The following SEC24A variants were observed in gnomAD, a reference collection of about 807,000 sequenced individuals.
SEC24A encodes the protein protein transport protein Sec24A.
SEC24A carries 93 observed loss-of-function variants against 129.4 expected under a neutral mutation model. The observed-to-expected ratio is 0.72, with a 90% CI of 0.61 to 0.85. The LOEUF is 0.85. SEC24A is among the 40% of genes least tolerant of loss of function. The pLI, the probability that SEC24A is intolerant of heterozygous loss-of-function variation, is 0.00. For synonymous variants in SEC24A, 460 were observed against 467.3 expected (o/e 0.98, Z 0.20); for missense variants, 1,264 against 1,307.4 (o/e 0.97, Z 0.51).
intron 7 of SEC24A, among the ~76,000 whole-genome samples, chr5:134,676,438 C>CTTTTTTTTTTT (rs34581398): frequency 4.8e-5 from 4 of 84,182 alleles, no homozygotes; most frequent in Non-Finnish European, 6.6e-5. Flanking sequence ...GCGCCCGGCT[C>CTTTTTTTTTTT]TTTTTTTTTT....
chr5:134,698,636 T>G lies in SEC24A; in HGVS notation c.2266+579T>G, dbSNP rs1751905736. 2.7e-5 allele frequency among the ~76,000 whole-genome samples: 4 copies of G among 148,216 alleles called. No homozygotes were observed. In the South Asian group the frequency reaches 8.6e-4, roughly 32 times the overall value. ...AAGAAGAAGATAGAGTCTTGTTTTT[T>G]TTTTTTTTTTTTTGAGATGGTATAT... is the stretch of plus-strand genomic sequence containing the variant. On this transcript the variant is annotated intron_variant, in intron 15 of 22. Coordinates refer to ENST00000398844, the MANE Select transcript of SEC24A (RefSeq NM_021982.3).
intron 18 of SEC24A, among the ~76,000 whole-genome samples, chr5:134,711,667 A>G (rs1021441898): frequency 3.5e-5 from 5 of 144,244 alleles, no homozygotes; most frequent in Non-Finnish European, 7.4e-5. Context: ...AGTAGCTGCG[A>G]TTACAGGTGT....
chr5:134,703,902 C>T lies in SEC24A; in HGVS notation c.2410C>T (p.Gln804Ter). The change falls in exon 16 of 23, where the codon CAG (glutamine) becomes TAG (stop). Residue 804 changes from glutamine (Q) to a stop codon, truncating the protein, a stop_gained. Transcript: ENST00000398844. LOFTEE classifies it high-confidence loss of function. The part of the protein sequence containing the change: ...SLTDTQLVSF[Q>*]SALLYTSSKG... The stretch of plus-strand genomic sequence containing the variant: ...TACTGACACTCAGTTGGTTTCTTTT[C>T]AGTCAGCACTCTTGTATACATCCAG... 1 of 1,608,272 alleles carries T rather than the reference C, an allele frequency of 6.2e-7. No homozygotes were observed. Among genetic ancestry groups the T allele is most frequent in the Non-Finnish European group, 8.5e-7 (1 of 1,175,340 alleles).
intron 21 of SEC24A, among the ~76,000 whole-genome samples, chr5:134,722,266 G>A (rs565741385): frequency 5.3e-5 from 8 of 152,074 alleles, no homozygotes; most frequent in South Asian, 4.2e-4. Context: ...CGAGGCTGGC[G>A]AATCACCTGA....
intron 18 of SEC24A, among the ~76,000 whole-genome samples, chr5:134,711,868 C>T (rs1471413445): frequency 1.3e-5 from 2 of 152,114 alleles, no homozygotes; most frequent in African/African-American, 2.4e-5. Flanking sequence ...CTGCCTCAGC[C>T]TCCCAAGTAG....
chr5:134,654,629 T>C (rs1750178238), intron 1 of SEC24A, among the ~76,000 whole-genome samples: 1 of 149,446 alleles, frequency 6.7e-6, no homozygotes, highest in African/African-American at 2.4e-5. Flanking sequence ...GTATTAACGC[T>C]AAAGGCAAAT....
chr5:134,672,592 G>A (rs1430745301), intron 4 of SEC24A, among the ~76,000 whole-genome samples: 1 of 152,222 alleles, frequency 6.6e-6, no homozygotes, highest in Non-Finnish European at 1.5e-5. Context: ...GCCTCCCAAA[G>A]TGCTGGGATA....
intron 11 of SEC24A, among the ~76,000 whole-genome samples, chr5:134,691,964 A>G (rs1485321114): frequency 6.6e-6 from 1 of 151,658 alleles, no homozygotes; most frequent in African/African-American, 2.4e-5. Flanking sequence ...AAAAAGGTCA[A>G]AGCAGAATTG....
At chr5:134,716,311 A>G (rs1281626008) in intron 19 of SEC24A, among the ~76,000 whole-genome samples, 1 of 151,678 alleles carries the variant, frequency 6.6e-6, no homozygotes, top group African/African-American at 2.4e-5. Context: ...AAATACGAAA[A>G]ACAAAAAAAT....
At chr5:134,697,612 C>T (rs1751867680) in intron 14 of SEC24A, among the ~76,000 whole-genome samples, 1 of 152,008 alleles carries the variant, frequency 6.6e-6, no homozygotes, top group Non-Finnish European at 1.5e-5. Context: ...AAAAACTAGC[C>T]AGACATGGTG....
chr5:134,713,755 G>A (rs1752396966), intron 18 of SEC24A, among the ~76,000 whole-genome samples: 1 of 150,818 alleles, frequency 6.6e-6, no homozygotes, highest in Non-Finnish European at 1.5e-5. Context: ...AACTGGCTGG[G>A]TGCGGTGGCT....
intron 12 of SEC24A, 70 bp downstream of exon 12, chr5:134,692,727 T>C (rs576629723): frequency 2.1e-6 from 2 of 970,614 alleles, no homozygotes; most frequent in East Asian, 2.4e-5. Flanking sequence ...AAATGAACTT[T>C]AAGTAAAATT....
chr5:134,656,405 TC>T (rs1160622873), intron 1 of SEC24A, among the ~76,000 whole-genome samples: 3 of 151,916 alleles, frequency 2.0e-5, no homozygotes, highest in Non-Finnish European at 4.4e-5. Flanking sequence ...ACTGGACATC[TC>T]CACTTAGATT....
chr5:134,694,725 A>C (rs1367927543), intron 13 of SEC24A, among the ~76,000 whole-genome samples: 2 of 151,430 alleles, frequency 1.3e-5, no homozygotes, highest in Non-Finnish European at 2.9e-5. Context: ...AGGCTGAGGC[A>C]GGAGAATTGC....
At chr5:134,669,906 AT>A (rs1750799211) in intron 3 of SEC24A, among the ~76,000 whole-genome samples, 1 of 151,714 alleles carries the variant, frequency 6.6e-6, no homozygotes, top group African/African-American at 2.4e-5. Context: ...CCTGGCTAAT[AT>A]TTTATTTTAT....
chr5:134,671,250 C>T (rs1015690604), intron 3 of SEC24A, among the ~76,000 whole-genome samples: 13 of 151,988 alleles, frequency 8.6e-5, no homozygotes, highest in Non-Finnish European at 1.8e-4. Context: ...TTAGTAGAGA[C>T]GGGGTTTCCC....
At chr5:134,654,284 A>T (rs1750166284) in intron 1 of SEC24A, among the ~76,000 whole-genome samples, 1 of 151,858 alleles carries the variant, frequency 6.6e-6, no homozygotes, top group Admixed American at 6.6e-5. Context: ...GCAGTGGTGC[A>T]GATCTTGGCT....
Position 134,718,104 on chromosome 5 carries a change from GCCC to G in SEC24A, c.2905_2907del (p.Pro969del), listed in dbSNP as rs1752531214. On this transcript the variant is annotated inframe_deletion, in exon 20 of 23. Coordinates refer to ENST00000398844, the MANE Select transcript of SEC24A (RefSeq NM_021982.3). ...ACATCAGTGATAGAACCATACCTCA[GCCC>G]CCCATTCTTCAGCTTTCAGTGGAGA... 6.2e-7 allele frequency: 1 copy of G among 1,613,794 alleles called. No homozygotes were observed. The highest frequency in any genetic ancestry group is 1.7e-5 in the Admixed American group (1 of 59,956).
chr5:134,708,965 G>T, intron 18 of SEC24A, 77 bp downstream of exon 18: 1 of 1,409,076 alleles, frequency 7.1e-7, no homozygotes, highest in South Asian at 1.3e-5. Flanking sequence ...CAGCACTTTG[G>T]GTGGCTGACG....
Sources: allele counts gnomAD v4.1 joint callset (sites outside exome capture counted in the v4.1 genomes callset), GRCh38; gene constraint gnomAD v4.1.1; transcripts MANE v1.5; gene names NCBI Gene and HGNC (gene_info 2026-07-23, HGNC 2026-07-21).